NRXN3: variants seen among roughly 807,000 people sequenced by gnomAD.
NRXN3 encodes neurexin 3.
NRXN3 carries 32 observed loss-of-function variants against 137.6 expected under a neutral mutation model. The observed-to-expected ratio is 0.23, with a 90% confidence interval of 0.18 to 0.31. The LOEUF (loss-of-function observed/expected upper bound fraction) is 0.31. NRXN3 is among the 10% of genes least tolerant of loss of function. The probability of loss-of-function intolerance (pLI) is 1.00; values close to 1 mark genes in which losing one functional copy is unlikely to be tolerated. For missense variants in NRXN3, 1,574 were observed against 2,062.5 expected, an observed-to-expected ratio of 0.76 and a Z score of 4.59; for synonymous variants, 798 against 784.5, an observed-to-expected ratio of 1.02 and a Z score of -0.29.
At chr14:79,467,185 G>T in intron 15 of NRXN3, 36 bp from the exon 16 acceptor site, 1 of 1,567,886 alleles carries the variant, frequency 6.4e-7, no homozygotes, top group Middle Eastern at 1.7e-4. Flanking sequence ...ATGCAATGTA[G>T]TGCCTTGATG....
At chr14:79,126,159 C>A (rs1041462075) in intron 15 of NRXN3, among the ~76,000 whole-genome samples, 1 of 151,570 alleles carries the variant, frequency 6.6e-6, no homozygotes, top group Non-Finnish European at 1.5e-5. Flanking sequence ...TAGTTCAGAG[C>A]ATTTATTTAT....
At chr14:79,474,241 T>A (rs557438818) in intron 16 of NRXN3, among the ~76,000 whole-genome samples, 12 of 152,282 alleles carry the variant, frequency 7.9e-5, no homozygotes, top group Admixed American at 6.5e-4. Flanking sequence ...GTTGCAGGGT[T>A]TTCTCAAAGA....
Position 78,784,268 on chromosome 14 carries a change from G to A in NRXN3, c.2045-19352G>A, listed in dbSNP as rs74638933. ...GCCGTGCAAAATGAACAAGGAGCAGGTAATTCCATACCAAGGAAACAGGGT... is the reference window on the plus strand; with the variant it reads ...GCCGTGCAAAATGAACAAGGAGCAGATAATTCCATACCAAGGAAACAGGGT... On this transcript the variant is annotated intron_variant, in intron 8 of 20. Coordinates refer to ENST00000335750, the MANE Select transcript of NRXN3 (RefSeq NM_001330195.2). Among the ~76,000 whole-genome samples the A allele has an allele frequency of 1.8e-4, 27 of 152,250 alleles. No individual in the cohort carries two copies. The East Asian group carries it at 4.8e-3, about 27-fold the overall frequency.
chr14:78,372,293 CT>C (rs59696267), intron 4 of NRXN3, among the ~76,000 whole-genome samples: 44,913 of 146,286 alleles, frequency 0.31, 7,989 homozygotes, highest in Admixed American at 0.42. Flanking sequence ...CTTTTCTTTT[CT>C]TTTTTTTTTT....
intron 4 of NRXN3, among the ~76,000 whole-genome samples, chr14:78,596,493 A>G (rs2097159089): frequency 6.6e-6 from 1 of 152,186 alleles, no homozygotes; most frequent in African/African-American, 2.4e-5. Flanking sequence ...GTGAGAAGTC[A>G]GTGATGTGTA....
At chr14:78,628,178 C>T (rs1476926598) in intron 4 of NRXN3, among the ~76,000 whole-genome samples, 2 of 151,120 alleles carry the variant, frequency 1.3e-5, no homozygotes, top group East Asian at 3.9e-4. Context: ...GCTCAAACAA[C>T]ACTCCTGCCT....
intron 10 of NRXN3, among the ~76,000 whole-genome samples, chr14:78,889,477 G>A (rs2099153024): frequency 6.6e-6 from 1 of 151,878 alleles, no homozygotes; most frequent in Admixed American, 6.6e-5. Context: ...ATTATCTGTG[G>A]CTAGCTCCTT....
chr14:78,821,951 G>T (rs1192660072), intron 10 of NRXN3, among the ~76,000 whole-genome samples: 1 of 152,096 alleles, frequency 6.6e-6, no homozygotes, highest in Non-Finnish European at 1.5e-5. Context: ...GCGATGACTA[G>T]TTAAGTACTC....
chr14:78,543,292 A>T (rs2096608825), intron 4 of NRXN3, among the ~76,000 whole-genome samples: 1 of 152,178 alleles, frequency 6.6e-6, no homozygotes, highest in South Asian at 2.1e-4. Context: ...AAACCTCCTG[A>T]TATTTTATGT....
At chr14:79,220,933 G>A (rs867077921) in intron 15 of NRXN3, among the ~76,000 whole-genome samples, 5 of 151,412 alleles carry the variant, frequency 3.3e-5, no homozygotes. Context: ...GCCCCGGTGT[G>A]TGATGTTCCC....
chr14:78,172,260 G>C (rs1328958488), intron 1 of NRXN3, among the ~76,000 whole-genome samples: 1 of 152,124 alleles, frequency 6.6e-6, no homozygotes, highest in Admixed American at 6.5e-5. Context: ...CTATCTGGGG[G>C]CACCTGGAGG....
At chr14:78,664,286 T>C (rs1398615578) in intron 6 of NRXN3, among the ~76,000 whole-genome samples, 2 of 152,300 alleles carry the variant, frequency 1.3e-5, no homozygotes, top group Non-Finnish European at 2.9e-5. Flanking sequence ...CTTCAAAGAT[T>C]CTCATTGCTA....
intron 20 of NRXN3, among the ~76,000 whole-genome samples, chr14:79,834,579 T>C (rs1463905374): frequency 6.6e-6 from 1 of 152,192 alleles, no homozygotes; most frequent in African/African-American, 2.4e-5. Flanking sequence ...CTGTTCTTGT[T>C]TGATTCTAGT....
At chr14:78,321,585 C>A (rs535153118) in intron 4 of NRXN3, among the ~76,000 whole-genome samples, 1 of 152,080 alleles carries the variant, frequency 6.6e-6, no homozygotes, top group South Asian at 2.1e-4. Context: ...TTTATTCTTG[C>A]TAAAACATTT....
intron 20 of NRXN3, among the ~76,000 whole-genome samples, chr14:79,852,214 C>T (rs2099392877): frequency 6.9e-6 from 1 of 145,066 alleles, no homozygotes; most frequent in South Asian, 2.2e-4. Flanking sequence ...CCTGTCAATA[C>T]AGGTTCTAGT....
intron 2 of NRXN3, among the ~76,000 whole-genome samples, chr14:78,261,181 G>A (rs1445567662): frequency 2.0e-5 from 3 of 152,204 alleles, no homozygotes; most frequent in Non-Finnish European, 4.4e-5. Flanking sequence ...GGGGGCTCCT[G>A]TGGATATCAG....
chr14:78,914,514 G>C (rs1447285380), intron 10 of NRXN3, among the ~76,000 whole-genome samples: 1 of 152,136 alleles, frequency 6.6e-6, no homozygotes, highest in East Asian at 1.9e-4. Flanking sequence ...GATTGCCTGA[G>C]TGAGAAGGTG....
At chr14:78,788,633 C>T (rs1227496616) in intron 8 of NRXN3, among the ~76,000 whole-genome samples, 1 of 152,162 alleles carries the variant, frequency 6.6e-6, no homozygotes, top group African/African-American at 2.4e-5. Context: ...TTGGCCCTCC[C>T]CTAGACCCAT....
In NRXN3 at chr14:79,016,128, T is replaced by C. The variant is rs145529083; in HGVS notation, c.3262+27987T>C. 2.8e-3 allele frequency among the ~76,000 whole-genome samples: 429 copies of C among 152,268 alleles called. 8 individuals are homozygous for C. In the South Asian group the frequency reaches 0.037, roughly 13 times the overall value. On this transcript the variant is annotated intron_variant, in intron 15 of 20. Coordinates refer to ENST00000335750, the MANE Select transcript of NRXN3 (RefSeq NM_001330195.2). Reference sequence around the variant, plus strand: ...TAGCAGCCACAAGCTGAGAGGGCTTTCTGTGAAGTGGCAGGACCTGACATA... The same window carrying C: ...TAGCAGCCACAAGCTGAGAGGGCTTCCTGTGAAGTGGCAGGACCTGACATA...
Sources: gnomAD v4.1 joint callset for allele counts (sites outside exome capture counted in the v4.1 genomes callset) on GRCh38, gnomAD v4.1.1 for gene constraint, MANE v1.5 for transcripts, NCBI Gene and HGNC (gene_info 2026-07-23, HGNC 2026-07-21) for gene names.